The following SPON1 variants were observed in gnomAD, a reference collection of about 807,000 sequenced individuals.
SPON1 encodes spondin 1.
Under a neutral mutation model 111.7 loss-of-function variants are expected in SPON1, and 52 were observed. That is an observed-to-expected ratio of 0.47 (90% CI 0.37 to 0.59). The LOEUF is 0.59. SPON1 is among the 20% of genes least tolerant of loss of function. SPON1 has a pLI of 0.00. For synonymous variants in SPON1, 410 were observed against 395.8 expected (o/e 1.04, Z -0.43); for missense variants, 957 against 1,068.5 (o/e 0.90, Z 1.46).
rs147461800 is a variant in SPON1, at chr11:14,064,865, G to A, written c.480-10480G>A. The stretch of plus-strand genomic sequence containing the variant: ...TCTTCTGTGTGTGTCCTTCCTTAGG[G>A]TGAGGTAGAGGGGAGTCAGGTGGGT... On this transcript the variant is annotated intron_variant, in intron 3 of 15. Transcript: ENST00000576479. Among the ~76,000 whole-genome samples the A allele has an allele frequency of 5.8e-3, 879 of 152,254 alleles. 10 individuals carry two copies. The highest frequency in any genetic ancestry group is 0.02 in the African/African-American group (830 of 41,526).
At chr11:14,190,997 A>G (rs1360128154) in intron 6 of SPON1, among the ~76,000 whole-genome samples, 1 of 152,090 alleles carries the variant, frequency 6.6e-6, no homozygotes, top group Non-Finnish European at 1.5e-5. Context: ...AGCACTTACA[A>G]TCCCATCACT....
chr11:14,028,034 G>A lies in SPON1; in HGVS notation c.346-13487G>A, dbSNP rs190748631. 1.0e-3 allele frequency among the ~76,000 whole-genome samples: 158 copies of A among 152,306 alleles called. 1 individual carries two copies. The highest frequency in any genetic ancestry group is 5.4e-4 in the Non-Finnish European group (37 of 68,038). On this transcript the variant is annotated intron_variant, in intron 2 of 15. Transcript: ENST00000576479. ...CTCATGTGAAAAATAAGGGTACAGT[G>A]TGTTAAATCCAGCGGTTATTAGCTT...
intron 2 of SPON1, among the ~76,000 whole-genome samples, chr11:14,030,043 G>T (rs1471177844): frequency 6.6e-6 from 1 of 152,180 alleles, no homozygotes; most frequent in African/African-American, 2.4e-5. Flanking sequence ...TAAGTGACAA[G>T]AGCTGGTATC....
chr11:14,056,429 AG>A (rs1192469739), intron 3 of SPON1, among the ~76,000 whole-genome samples: 1 of 152,218 alleles, frequency 6.6e-6, no homozygotes, highest in African/African-American at 2.4e-5. Flanking sequence ...TACATTTTAA[AG>A]GTCGTTTTTC....
chr11:14,015,506 A>G (rs190633776), intron 2 of SPON1, among the ~76,000 whole-genome samples: 3 of 152,188 alleles, frequency 2.0e-5, no homozygotes, highest in Non-Finnish European at 1.5e-5. Flanking sequence ...TTTTCAACAT[A>G]TGAATTTTAG....
chr11:14,252,705 G>C (rs1344647826), intron 7 of SPON1, among the ~76,000 whole-genome samples: 2 of 152,158 alleles, frequency 1.3e-5, no homozygotes, highest in Non-Finnish European at 2.9e-5. Context: ...GACCTGCGCA[G>C]AGTGTGGGAA....
intron 2 of SPON1, among the ~76,000 whole-genome samples, chr11:13,995,300 A>G (rs1255965864): frequency 6.6e-6 from 1 of 152,194 alleles, no homozygotes; most frequent in Non-Finnish European, 1.5e-5. Flanking sequence ...AAGACATGGT[A>G]TGTTAGTCTG....
At chr11:14,229,945 T>TCC (rs1848779090) in intron 6 of SPON1, among the ~76,000 whole-genome samples, 3 of 119,966 alleles carry the variant, frequency 2.5e-5, no homozygotes, top group Non-Finnish European at 5.1e-5. Flanking sequence ...TGTCTGTCTG[T>TCC]GTGTCCGTGT....
At chr11:14,069,350 C>G (rs1848857150) in intron 3 of SPON1, among the ~76,000 whole-genome samples, 1 of 152,152 alleles carries the variant, frequency 6.6e-6, no homozygotes, top group Non-Finnish European at 1.5e-5. Context: ...GCTTAACTTT[C>G]TCTTTCTGCC....
intron 2 of SPON1, among the ~76,000 whole-genome samples, chr11:14,002,953 A>C (rs781245245): frequency 1.3e-5 from 2 of 152,046 alleles, no homozygotes; most frequent in Non-Finnish European, 2.9e-5. Flanking sequence ...ACAGCCAAGC[A>C]CTTCAAGAGA....
At chr11:14,147,311 G>A (rs1458825280) in intron 6 of SPON1, among the ~76,000 whole-genome samples, 2 of 151,902 alleles carry the variant, frequency 1.3e-5, no homozygotes, top group Admixed American at 6.6e-5. Flanking sequence ...TGGGATTACA[G>A]GCGTGAGTCA....
At chr11:14,039,855 A>C (rs1848620026) in intron 2 of SPON1, among the ~76,000 whole-genome samples, 1 of 152,190 alleles carries the variant, frequency 6.6e-6, no homozygotes, top group Non-Finnish European at 1.5e-5. Context: ...CCCCCAAAAC[A>C]GCAAGAAAAA....
chr11:13,986,911 G>A (rs929995830), intron 2 of SPON1, among the ~76,000 whole-genome samples: 1 of 152,106 alleles, frequency 6.6e-6, no homozygotes, highest in Non-Finnish European at 1.5e-5. Context: ...TTTTATGGCT[G>A]CATAGTATTC....
At chr11:14,131,093 T>A (rs539854109) in intron 5 of SPON1, among the ~76,000 whole-genome samples, 51 of 152,274 alleles carry the variant, frequency 3.3e-4, no homozygotes, top group Non-Finnish European at 6.0e-4. Flanking sequence ...TTTACCACCA[T>A]CGGCACTCAG....
At chr11:14,132,891 C>A (rs1847544253) in intron 5 of SPON1, among the ~76,000 whole-genome samples, 1 of 152,114 alleles carries the variant, frequency 6.6e-6, no homozygotes, top group South Asian at 2.1e-4. Flanking sequence ...TATATTATCT[C>A]ACTTTTAAAT....
intron 6 of SPON1, among the ~76,000 whole-genome samples, chr11:14,154,449 G>A (rs1554930180): frequency 6.6e-6 from 1 of 152,184 alleles, no homozygotes; most frequent in Non-Finnish European, 1.5e-5. Flanking sequence ...ACATATCTTG[G>A]CCCCGCTTAG....
In SPON1 at chr11:14,160,391, TTATATATATATTTATATATATATA is replaced by T. The variant is rs1198098625; in HGVS notation, c.825+24825_825+24848del. 4.5e-3 allele frequency among the ~76,000 whole-genome samples: 162 copies of T among 36,002 alleles called. 9 individuals are homozygous for T. Among genetic ancestry groups the T allele is most frequent in the East Asian group, 0.013 (13 of 1,004 alleles). The allele number at this position is 36,002 out of a possible 152,430, so 23.6% of individuals were successfully genotyped here. The stretch of plus-strand genomic sequence containing the variant: ...TGTGCTCAGAACACTTACATTATTT[TTATATATATATTTATATATATATA>T]TTTATATATATATATTTATATATAT... On this transcript the variant is annotated intron_variant, in intron 6 of 15. Coordinates refer to ENST00000576479, the MANE Select transcript of SPON1 (RefSeq NM_006108.4).
At chr11:14,042,287 G>T (rs1554917366) in intron 3 of SPON1, among the ~76,000 whole-genome samples, 1 of 152,050 alleles carries the variant, frequency 6.6e-6, no homozygotes. Context: ...AAATAGATGG[G>T]CAGGAAAATG....
At chr11:14,141,946 T>G (rs181810336) in intron 6 of SPON1, among the ~76,000 whole-genome samples, 20 of 152,302 alleles carry the variant, frequency 1.3e-4, no homozygotes, top group African/African-American at 4.6e-4. Context: ...TGATCTTCCA[T>G]GCTTATGAGA....
Sources: allele counts gnomAD v4.1 joint callset (sites outside exome capture counted in the v4.1 genomes callset), GRCh38; gene constraint gnomAD v4.1.1; transcripts MANE v1.5; gene names NCBI Gene and HGNC (gene_info 2026-07-23, HGNC 2026-07-21).